The following DISC1 variants were observed in gnomAD, a reference collection of about 807,000 sequenced individuals.
The protein encoded by DISC1 is disrupted in schizophrenia 1 protein.
DISC1 carries 57 observed loss-of-function variants against 84.5 expected under a neutral mutation model. The observed-to-expected ratio is 0.67, with a 90% CI of 0.55 to 0.84. The LOEUF is 0.84. Ranked by LOEUF, DISC1 falls within the 40% of genes least tolerant of loss-of-function variation. The pLI, the probability that DISC1 is intolerant of heterozygous loss-of-function variation, is 0.00. For synonymous variants in DISC1, 411 were observed against 415.2 expected, an observed-to-expected ratio of 0.99 and a Z score of 0.12; for missense variants, 1,000 against 1,057.8, an observed-to-expected ratio of 0.95 and a Z score of 0.76.
At chr1:231,810,581 T>C (rs1157646305) in intron 8 of DISC1, among the ~76,000 whole-genome samples, 1 of 152,112 alleles carries the variant, frequency 6.6e-6, no homozygotes, top group Non-Finnish European at 1.5e-5. Flanking sequence ...CATTTGCAAT[T>C]TGGCAGAGAC....
chr1:231,790,636 A>T (rs2078267942), intron 6 of DISC1, among the ~76,000 whole-genome samples: 1 of 151,556 alleles, frequency 6.6e-6, no homozygotes, highest in African/African-American at 2.4e-5. Context: ...CTCCTGCCTC[A>T]GCCTCCCAAG....
At chr1:231,673,210 T>C (rs2062791318) in intron 1 of DISC1, among the ~76,000 whole-genome samples, 1 of 152,220 alleles carries the variant, frequency 6.6e-6, no homozygotes, top group African/African-American at 2.4e-5. Context: ...GTTTTAGTGC[T>C]TTATTACTTC....
At chr1:231,696,013 C>T (rs1025130779) in intron 2 of DISC1, among the ~76,000 whole-genome samples, 1 of 152,142 alleles carries the variant, frequency 6.6e-6, no homozygotes, top group Non-Finnish European at 1.5e-5. Context: ...ATTGCCTAAA[C>T]CAGTGCCCCT....
At chr1:231,736,953 T>C (rs2072590106) in intron 3 of DISC1, among the ~76,000 whole-genome samples, 1 of 152,250 alleles carries the variant, frequency 6.6e-6, no homozygotes, top group African/African-American at 2.4e-5. Flanking sequence ...TTCTTGCTGC[T>C]TATAAATGCT....
chr1:231,697,795 T>G (rs903746307), intron 2 of DISC1, among the ~76,000 whole-genome samples: 1 of 152,118 alleles, frequency 6.6e-6, no homozygotes, highest in Non-Finnish European at 1.5e-5. Flanking sequence ...GGTCACCTGA[T>G]GTACACGCTT....
chr1:231,853,908 G>A (rs2084076264), intron 9 of DISC1, among the ~76,000 whole-genome samples: 1 of 152,186 alleles, frequency 6.6e-6, no homozygotes, highest in South Asian at 2.1e-4. Context: ...AATGAGACTG[G>A]AAATACCACC....
At chr1:231,640,549 G>C in intron 1 of DISC1, among the ~76,000 whole-genome samples, 1 of 133,736 alleles carries the variant, frequency 7.5e-6, no homozygotes, top group South Asian at 2.4e-4. Context: ...TTTTTTTTGA[G>C]ACAAGGTCTC....
chr1:231,841,866 C>T lies in DISC1; in HGVS notation c.1981+23349C>T, dbSNP rs144193623. Among the ~76,000 whole-genome samples, 241 of 152,302 alleles carry T rather than the reference C, an allele frequency of 1.6e-3. 2 individuals carry two copies. The highest frequency in any genetic ancestry group is 5.4e-3 in the African/African-American group (224 of 41,564). ...GGCAAGAGATAATTCCTTAGACACA[C>T]ACACAAAAAGAGCAAAATGTTAAGG... On this transcript the variant is annotated intron_variant, in intron 9 of 12. Coordinates refer to ENST00000439617, the MANE Select transcript of DISC1 (RefSeq NM_018662.3).
intron 6 of DISC1, among the ~76,000 whole-genome samples, chr1:231,777,711 A>T (rs2077058536): frequency 6.6e-6 from 1 of 152,114 alleles, no homozygotes; most frequent in South Asian, 2.1e-4. Context: ...TGCCCTCTCC[A>T]CTCAAATTTA....
At chr1:231,868,914 C>G (rs1334920897) in intron 9 of DISC1, among the ~76,000 whole-genome samples, 2 of 146,252 alleles carry the variant, frequency 1.4e-5, no homozygotes, top group Non-Finnish European at 3.0e-5. Flanking sequence ...AAAAGAGTTA[C>G]CGGTTATACA....
At chr1:231,659,412 T>G (rs1392084903) in intron 1 of DISC1, among the ~76,000 whole-genome samples, 1 of 152,082 alleles carries the variant, frequency 6.6e-6, no homozygotes, top group African/African-American at 2.4e-5. Flanking sequence ...TTTTATTATT[T>G]TTTTCAAAAA....
At chr1:231,787,103 A>G (rs1388144399) in intron 6 of DISC1, among the ~76,000 whole-genome samples, 1 of 152,188 alleles carries the variant, frequency 6.6e-6, no homozygotes, top group Non-Finnish European at 1.5e-5. Context: ...AGTATGTTCT[A>G]AGGCTCTTGA....
At chr1:231,895,011 A>G (rs1423491647) in intron 9 of DISC1, among the ~76,000 whole-genome samples, 1 of 151,642 alleles carries the variant, frequency 6.6e-6, no homozygotes, top group African/African-American at 2.4e-5. Flanking sequence ...TAATCAATTT[A>G]TATTTAATAT....
chr1:232,006,409 G>C (rs1017134575), intron 10 of DISC1, among the ~76,000 whole-genome samples: 5 of 151,344 alleles, frequency 3.3e-5, no homozygotes, highest in African/African-American at 1.2e-4. Flanking sequence ...TGAGGAACTT[G>C]TTGGGAACTG....
intron 9 of DISC1, among the ~76,000 whole-genome samples, chr1:231,901,891 T>G (rs1432111169): frequency 6.6e-6 from 1 of 152,200 alleles, no homozygotes; most frequent in Non-Finnish European, 1.5e-5. Context: ...GAATTCTGAT[T>G]CTAACCTTAG....
intron 10 of DISC1, among the ~76,000 whole-genome samples, chr1:232,008,085 T>C (rs565696126): frequency 6.6e-5 from 10 of 152,322 alleles, no homozygotes; most frequent in African/African-American, 9.6e-5. Flanking sequence ...TGTGAGTCAA[T>C]TAAACCTCTT....
At chr1:231,928,030 A>T (rs1163714693) in intron 9 of DISC1, among the ~76,000 whole-genome samples, 1 of 152,216 alleles carries the variant, frequency 6.6e-6, no homozygotes, top group Admixed American at 6.5e-5. Flanking sequence ...CACCCTACAA[A>T]GTGAGCATGC....
rs1038360350 is a variant in DISC1 at position 231,870,287 on chromosome 1, C to T, written c.1981+51770C>T. Among the ~76,000 whole-genome samples the T allele has an allele frequency of 3.9e-5, 6 of 152,088 alleles. No homozygotes were observed. The East Asian group carries it at 1.2e-3, about 29-fold the overall frequency. Reference sequence around the variant, plus strand: ...GGGCCAGTGTGATAAGTGCATGGAGCCCCATGGGCATCCAATTAATAAAAC... The same window carrying T: ...GGGCCAGTGTGATAAGTGCATGGAGTCCCATGGGCATCCAATTAATAAAAC... On this transcript the variant is annotated intron_variant, in intron 9 of 12. Coordinates refer to ENST00000439617, the MANE Select transcript of DISC1 (RefSeq NM_018662.3).
rs80058957 is a variant in DISC1, at chr1:231,702,409, C to T, written c.1117+385C>T. 7.6e-4 allele frequency: 758 copies of T among 999,956 alleles called. 6 individuals carry two copies. In the Admixed American group the frequency reaches 0.019, roughly 25 times the overall value. The allele number at this position is 999,956 out of a possible 1,614,324, so 61.9% of individuals were successfully genotyped here. On this transcript the variant is annotated intron_variant, in intron 3 of 12. Coordinates refer to ENST00000439617, the MANE Select transcript of DISC1 (RefSeq NM_018662.3). ...GGAGACAATAGGAAAGTAAGACAGA[C>T]ATGGTATCTGCCCTTGTGATGCCAG...
Sources: gnomAD v4.1 joint callset for allele counts (sites outside exome capture counted in the v4.1 genomes callset) on GRCh38, gnomAD v4.1.1 for gene constraint, MANE v1.5 for transcripts, NCBI Gene and HGNC (gene_info 2026-07-23, HGNC 2026-07-21) for gene names.